FAF1: variants seen among roughly 807,000 people sequenced by gnomAD.
FAF1 encodes Fas associated factor 1.
A neutral mutation model predicts 92.5 loss-of-function variants in FAF1; 25 were observed. The observed-to-expected ratio is 0.27, with a 90% CI of 0.20 to 0.38. The LOEUF (loss-of-function observed/expected upper bound fraction) is 0.38. Among genes scored for constraint, FAF1 ranks in the 10% least tolerant of loss-of-function variants. FAF1 has a pLI of 1.00. For synonymous variants in FAF1, 234 were observed against 273.2 expected (o/e 0.86, Z 1.42); for missense variants, 636 against 793.3 (o/e 0.80, Z 2.38).
intron 3 of FAF1, among the ~76,000 whole-genome samples, chr1:50,800,590 G>A (rs1661950175): frequency 6.6e-6 from 1 of 152,038 alleles, no homozygotes. Context: ...GAGGAACGGG[G>A]GTATAGGTCT....
At chr1:50,952,296 G>A (rs901622865) in intron 1 of FAF1, among the ~76,000 whole-genome samples, 5 of 152,248 alleles carry the variant, frequency 3.3e-5, no homozygotes, top group African/African-American at 1.2e-4. Context: ...TTTTGGTGGA[G>A]ACGGGTTTTC....
intron 8 of FAF1, among the ~76,000 whole-genome samples, chr1:50,640,315 CAG>C (rs1654263680): frequency 1.3e-5 from 2 of 148,398 alleles, no homozygotes; most frequent in East Asian, 2.0e-4. Context: ...TTTTTTGAGA[CAG>C]AGTCTCGCTC....
At chr1:50,798,309 C>T (rs1447671445) in intron 3 of FAF1, among the ~76,000 whole-genome samples, 3 of 152,270 alleles carry the variant, frequency 2.0e-5, no homozygotes, top group Middle Eastern at 3.4e-3. Flanking sequence ...ACAAATTGTA[C>T]ACCTGTCTGG....
chr1:50,473,073 T>C (rs1158213032), intron 18 of FAF1, among the ~76,000 whole-genome samples: 1 of 152,172 alleles, frequency 6.6e-6, no homozygotes, highest in African/African-American at 2.4e-5. Flanking sequence ...CTGAGGTTAT[T>C]AACATTCAAC....
At chr1:50,740,720 A>G (rs1659349142) in intron 5 of FAF1, among the ~76,000 whole-genome samples, 1 of 152,190 alleles carries the variant, frequency 6.6e-6, no homozygotes, top group Admixed American at 6.5e-5. Flanking sequence ...GCATTTGGCA[A>G]TTACCTATAA....
intron 8 of FAF1, among the ~76,000 whole-genome samples, chr1:50,601,732 A>G (rs1652143003): frequency 7.0e-6 from 1 of 141,898 alleles, no homozygotes; most frequent in Admixed American, 6.8e-5. Context: ...ATATATTCAT[A>G]TACACACATA....
intron 7 of FAF1, among the ~76,000 whole-genome samples, chr1:50,705,173 T>G (rs756082750): frequency 1.3e-5 from 2 of 152,222 alleles, no homozygotes; most frequent in African/African-American, 2.4e-5. Flanking sequence ...TTTAGGTGGC[T>G]GGGGCCCAAG....
rs865834700 is a variant in FAF1 at position 50,576,639 on chromosome 1, C to G, written c.1113+5979G>C. Among the ~76,000 whole-genome samples, 12 of 151,080 alleles carry G rather than the reference C, an allele frequency of 7.9e-5. No homozygotes were observed. The East Asian group carries it at 1.8e-3, about 22-fold the overall frequency. On this transcript the variant is annotated intron_variant, in intron 12 of 18. Transcript: ENST00000396153. ...AAAGACTCATCTCCGCACCGCCCCC[C>G]CCCCGCCACCACCCCTGCACCAAGA...
intron 18 of FAF1, among the ~76,000 whole-genome samples, chr1:50,462,768 T>C (rs1280618280): frequency 6.6e-6 from 1 of 152,214 alleles, no homozygotes; most frequent in Non-Finnish European, 1.5e-5. Flanking sequence ...TGGTGCTTGT[T>C]AGGATTCTTC....
At chr1:50,887,375 G>C (rs1339885495) in intron 1 of FAF1, among the ~76,000 whole-genome samples, 1 of 152,166 alleles carries the variant, frequency 6.6e-6, no homozygotes, top group Non-Finnish European at 1.5e-5. Flanking sequence ...AAGCTCTTTA[G>C]TTTAATTAGA....
intron 1 of FAF1, among the ~76,000 whole-genome samples, chr1:50,924,854 G>A (rs1386971799): frequency 6.6e-6 from 1 of 152,062 alleles, no homozygotes; most frequent in Admixed American, 6.6e-5. Context: ...GTGGTGTTGG[G>A]CACCTGTAAT....
At chr1:50,932,981 G>A (rs1368305866) in intron 1 of FAF1, among the ~76,000 whole-genome samples, 1 of 152,180 alleles carries the variant, frequency 6.6e-6, no homozygotes, top group African/African-American at 2.4e-5. Context: ...GCCCATTTCA[G>A]CCATGGCTGG....
chr1:50,705,856 A>G lies in FAF1; in HGVS notation c.587T>C (p.Leu196Pro), dbSNP rs1557484979. The G allele has an allele frequency of 6.2e-7, 1 of 1,609,744 alleles. No homozygotes were observed. The highest frequency in any genetic ancestry group is 8.5e-7 in the Non-Finnish European group (1 of 1,178,026). The change falls in exon 7 of 19, where the codon CTG becomes CCG. Residue 196 changes from leucine to proline, a missense_variant. Around this residue, in one of 2 missense-constraint regions of FAF1, gnomAD observed 317 missense variants for 342.4 expected, o/e 0.93. Transcript: ENST00000396153. ...CTGGACTTCTCGGTGGGTGATGATC[A>G]GCATGAAGTTTTGATTTAATGACTC... ...LQESLNQNFMLIITHREVQRE... is the reference protein window; with the variant it reads ...LQESLNQNFMPIITHREVQRE...
At chr1:50,924,012 G>T (rs1354608120) in intron 1 of FAF1, among the ~76,000 whole-genome samples, 1 of 152,088 alleles carries the variant, frequency 6.6e-6, no homozygotes, top group Non-Finnish European at 1.5e-5. Flanking sequence ...GGAACATGAC[G>T]AACATGCCCA....
chr1:50,954,862 A>G (rs1241831383), intron 1 of FAF1, among the ~76,000 whole-genome samples: 1 of 152,096 alleles, frequency 6.6e-6, no homozygotes, highest in Non-Finnish European at 1.5e-5. Flanking sequence ...GTTTTTAATT[A>G]GCCAGGCTTG....
Position 50,567,089 on chromosome 1 carries a change from G to GA in FAF1, c.1255dup (p.Ser419PhefsTer12). 6.2e-7 allele frequency: 1 copy of GA among 1,605,406 alleles called. No homozygotes were observed. The highest frequency in any genetic ancestry group is 8.5e-7 in the Non-Finnish European group (1 of 1,175,354). On this transcript the variant is annotated frameshift_variant, in exon 13 of 19. Coordinates refer to ENST00000396153, the MANE Select transcript of FAF1 (RefSeq NM_007051.3). LOFTEE classifies it high-confidence loss of function. The stretch of plus-strand genomic sequence containing the variant: ...ACAACAGTATTACCTTGCTCTGTTG[G>GA]AGTCCTTTGTCAGATCCCAAGCCCA...
At chr1:50,920,995 G>A (rs1055379978) in intron 1 of FAF1, among the ~76,000 whole-genome samples, 2 of 152,092 alleles carry the variant, frequency 1.3e-5, no homozygotes, top group African/African-American at 4.8e-5. Flanking sequence ...TTTTATCACA[G>A]ACAAATGATT....
intron 15 of FAF1, among the ~76,000 whole-genome samples, chr1:50,493,670 G>A (rs889160908): frequency 2.6e-5 from 4 of 152,100 alleles, no homozygotes; most frequent in Admixed American, 6.5e-5. Flanking sequence ...ATATATCTCT[G>A]TATTCCACAT....
At chr1:50,575,500 T>C (rs924568275) in intron 12 of FAF1, among the ~76,000 whole-genome samples, 2 of 152,204 alleles carry the variant, frequency 1.3e-5, no homozygotes, top group African/African-American at 4.8e-5. Flanking sequence ...TAATAAATAG[T>C]GGTTATTTTC....
Sources: allele counts gnomAD v4.1 joint callset (sites outside exome capture counted in the v4.1 genomes callset), GRCh38; gene constraint gnomAD v4.1.1; regional missense constraint gnomAD v4.1.1; transcripts MANE v1.5; gene names NCBI Gene and HGNC (gene_info 2026-07-23, HGNC 2026-07-21).